The following SAXO1 variants were observed in gnomAD, a reference collection of about 807,000 sequenced individuals.
SAXO1 encodes stabilizer of axonemal microtubules 1.
In SAXO1, 21 loss-of-function variants were observed where a neutral mutation model predicts 17.5. That is an observed-to-expected ratio of 1.20 (90% CI 0.85 to 1.72). The LOEUF is 1.72. SAXO1 is among the 40% of genes most tolerant of loss of function. The pLI is 0.00. For synonymous variants in SAXO1, 274 were observed against 216.5 expected (o/e 1.27, Z -2.33); for missense variants, 843 against 596.0 (o/e 1.41, Z -4.32).
chr9:19,007,973 C>CT (rs112830612), intron 1 of SAXO1, among the ~76,000 whole-genome samples: 7,281 of 140,172 alleles, frequency 0.052, 217 homozygotes, highest in Admixed American at 0.09. Flanking sequence ...ACTACCAGGT[C>CT]TTTTTTTTTT....
chr9:18,935,559 G>C (rs140605935), intron 3 of SAXO1, among the ~76,000 whole-genome samples: 136 of 152,258 alleles, frequency 8.9e-4, no homozygotes, highest in African/African-American at 3.2e-3. Context: ...TGAGTTGATA[G>C]ATGGGTTTCT....
At chr9:18,955,009 T>A (rs1832200306) in intron 1 of SAXO1, among the ~76,000 whole-genome samples, 1 of 152,128 alleles carries the variant, frequency 6.6e-6, no homozygotes. Context: ...ACGTCATTTT[T>A]AATTTTCTAT....
intron 1 of SAXO1, among the ~76,000 whole-genome samples, chr9:18,971,997 G>A (rs954966133): frequency 1.3e-5 from 2 of 152,132 alleles, no homozygotes; most frequent in Non-Finnish European, 2.9e-5. Context: ...AAGATTTCTA[G>A]TATAAAGAAC....
intron 1 of SAXO1, among the ~76,000 whole-genome samples, chr9:19,020,758 C>A (rs1029480140): frequency 6.6e-6 from 1 of 152,164 alleles, no homozygotes; most frequent in African/African-American, 2.4e-5. Flanking sequence ...TCTGTGTCTT[C>A]ATCCAAGTTT....
chr9:18,937,333 A>G (rs1342371101), intron 3 of SAXO1, among the ~76,000 whole-genome samples: 1 of 152,150 alleles, frequency 6.6e-6, no homozygotes, highest in Non-Finnish European at 1.5e-5. Flanking sequence ...TGTCACCTGG[A>G]GCCCTTGTAA....
chr9:19,043,057 A>G (rs530700332), intron 1 of SAXO1, among the ~76,000 whole-genome samples: 38 of 152,166 alleles, frequency 2.5e-4, no homozygotes, highest in African/African-American at 9.2e-4. Context: ...CTGTAGTCCC[A>G]GCTACTCAGG....
intron 1 of SAXO1, among the ~76,000 whole-genome samples, chr9:19,007,425 G>C (rs770695196): frequency 6.6e-6 from 1 of 152,100 alleles, no homozygotes; most frequent in African/African-American, 2.4e-5. Flanking sequence ...AAACAAAGAA[G>C]TTCAACTTTT....
At chr9:18,958,254 T>C (rs755227936) in intron 1 of SAXO1, among the ~76,000 whole-genome samples, 1 of 152,076 alleles carries the variant, frequency 6.6e-6, no homozygotes, top group Non-Finnish European at 1.5e-5. Flanking sequence ...TGAAACCTTG[T>C]CTCTACTAAA....
intron 1 of SAXO1, among the ~76,000 whole-genome samples, chr9:18,973,169 C>T (rs911772572): frequency 2.0e-5 from 3 of 152,172 alleles, no homozygotes; most frequent in African/African-American, 7.2e-5. Context: ...ACAAAAATAA[C>T]GTGTTTTTAT....
At chr9:19,002,971 C>A (rs992044234) in intron 1 of SAXO1, among the ~76,000 whole-genome samples, 1 of 152,302 alleles carries the variant, frequency 6.6e-6, no homozygotes, top group African/African-American at 2.4e-5. Flanking sequence ...TTGCATATGA[C>A]ATGACTATAT....
chr9:18,949,839 G>A (rs1466559393), intron 2 of SAXO1, among the ~76,000 whole-genome samples: 1 of 152,226 alleles, frequency 6.6e-6, no homozygotes, highest in Non-Finnish European at 1.5e-5. Context: ...AGGCACCGAT[G>A]TGCAAGCATT....
At chr9:18,973,483 T>C in intron 1 of SAXO1, among the ~76,000 whole-genome samples, 1 of 152,258 alleles carries the variant, frequency 6.6e-6, no homozygotes, top group South Asian at 2.1e-4. Flanking sequence ...GTATTATCTC[T>C]AGTGCACACA....
intron 3 of SAXO1, among the ~76,000 whole-genome samples, chr9:18,930,323 A>G (rs1830986933): frequency 6.6e-6 from 1 of 152,192 alleles, no homozygotes. Context: ...GGAAATCTGC[A>G]GTAGAGATGG....
At chr9:18,997,623 A>G (rs911728033) in intron 1 of SAXO1, among the ~76,000 whole-genome samples, 11 of 152,248 alleles carry the variant, frequency 7.2e-5, no homozygotes, top group African/African-American at 2.7e-4. Context: ...TTCTCCCAGC[A>G]TGGCATTCAA....
intron 2 of SAXO1, 23 bp from the exon 3 acceptor site, chr9:18,941,862 T>C (rs994393101): frequency 6.2e-7 from 1 of 1,611,424 alleles, no homozygotes. Flanking sequence ...AAGTGCATGC[T>C]GTTGGGGTCC....
chr9:18,985,569 A>G (rs1488524012), intron 1 of SAXO1, among the ~76,000 whole-genome samples: 3 of 152,182 alleles, frequency 2.0e-5, no homozygotes, highest in East Asian at 1.9e-4. Context: ...CTGGAGTTAC[A>G]GGGCTCCTCG....
chr9:18,930,952 A>C (rs189341584), intron 3 of SAXO1, among the ~76,000 whole-genome samples: 1 of 152,370 alleles, frequency 6.6e-6, no homozygotes, highest in East Asian at 1.9e-4. Context: ...GTTAGAAAAA[A>C]AAGCTGCTTC....
intron 1 of SAXO1, among the ~76,000 whole-genome samples, chr9:18,960,785 G>T (rs1352977800): frequency 1.0e-5 from 1 of 97,810 alleles, no homozygotes; most frequent in Non-Finnish European, 2.0e-5. Context: ...TGTCTCAAAA[G>T]AAAAAAAAAT....
At chr9:18,964,382 C>A (rs1486069580) in intron 1 of SAXO1, among the ~76,000 whole-genome samples, 1 of 152,132 alleles carries the variant, frequency 6.6e-6, no homozygotes, top group Non-Finnish European at 1.5e-5. Context: ...TAGAATTCAG[C>A]TGTGAATCTA....
Sources: gnomAD v4.1 joint callset for allele counts (sites outside exome capture counted in the v4.1 genomes callset) on GRCh38, gnomAD v4.1.1 for gene constraint, MANE v1.5 for transcripts, NCBI Gene and HGNC (gene_info 2026-07-23, HGNC 2026-07-21) for gene names.